CSPP1: variants seen among roughly 807,000 people sequenced by gnomAD.
CSPP1 encodes centrosome and spindle pole-associated protein 1.
A neutral mutation model predicts 164.4 loss-of-function variants in CSPP1; 126 were observed. That is an observed-to-expected ratio of 0.77 (90% confidence interval 0.66 to 0.89). The LOEUF is 0.89. CSPP1 is among the 40% of genes least tolerant of loss of function. CSPP1 has a pLI of 0.00. For synonymous variants in CSPP1, 472 were observed against 476.7 expected (o/e 0.99, Z 0.13); for missense variants, 1,395 against 1,449.8 (o/e 0.96, Z 0.61).
intron 10 of CSPP1, 95 bp downstream of exon 10, chr8:67,112,160 G>A (rs1239916921): frequency 4.3e-6 from 3 of 693,192 alleles, no homozygotes; most frequent in Non-Finnish European, 4.9e-6. Flanking sequence ...GTTCTAATAT[G>A]ATGTTTGATT....
In CSPP1 at chr8:67,093,252, C is replaced by T. The variant is rs980399264; in HGVS notation, c.385-291C>T. 6.6e-5 allele frequency among the ~76,000 whole-genome samples: 10 copies of T among 152,268 alleles called. No homozygotes were observed. The East Asian group carries it at 7.7e-4, about 12-fold the overall frequency. ...GTGTAAAATGGAGATGTTTCATGAACGAAGCAACTCCCTTCTGTTAGAGAC... is the reference window on the plus strand; with the variant it reads ...GTGTAAAATGGAGATGTTTCATGAATGAAGCAACTCCCTTCTGTTAGAGAC... On this transcript the variant is annotated intron_variant, in intron 5 of 30. Coordinates refer to ENST00000678616, the MANE Select transcript of CSPP1 (RefSeq NM_001382391.1).
At chr8:67,120,478 T>A (rs1257524920) in intron 15 of CSPP1, among the ~76,000 whole-genome samples, 3 of 152,228 alleles carry the variant, frequency 2.0e-5, no homozygotes, top group African/African-American at 7.2e-5. Flanking sequence ...GTGTCATGTC[T>A]TCTGATCCAT....
intron 24 of CSPP1, among the ~76,000 whole-genome samples, chr8:67,171,574 A>G (rs1830472194): frequency 1.3e-5 from 2 of 151,528 alleles, no homozygotes; most frequent in African/African-American, 4.8e-5. Flanking sequence ...TTGAGATGGA[A>G]TCTTGCTCTG....
chr8:67,149,647 A>G, intron 17 of CSPP1, 136 bp from the exon 18 acceptor site: 2 of 536,986 alleles, frequency 3.7e-6, no homozygotes, highest in South Asian at 5.4e-5. Flanking sequence ...TTTTCAGGGC[A>G]CCAACATATC....
rs1302148912 is a variant in CSPP1 at position 67,116,062 on chromosome 8, C to CTCAAAATGAAGA, written c.1438_1449dup (p.Gln480_Asp483dup). 2.5e-6 allele frequency: 4 copies of CTCAAAATGAAGA among 1,614,010 alleles called. No individual in the cohort carries two copies. In the African/African-American group the frequency reaches 5.3e-5, roughly 22 times the overall value. Reference sequence around the variant, plus strand: ...ATCCCATCAGTTCATCCTGTTCCTTCTCAAAATGAAGATTTGCGCAGTGGA... The same window carrying CTCAAAATGAAGA: ...ATCCCATCAGTTCATCCTGTTCCTTCTCAAAATGAAGATCAAAATGAAGATTTGCGCAGTGGA... On this transcript the variant is annotated inframe_insertion, in exon 13 of 31. Coordinates refer to ENST00000678616, the MANE Select transcript of CSPP1 (RefSeq NM_001382391.1).
intron 25 of CSPP1, chr8:67,173,748 A>AT (rs1830955729): frequency 1.3e-5 from 2 of 152,146 alleles, no homozygotes; most frequent in Admixed American, 1.3e-4. Flanking sequence ...GTATACTGTT[A>AT]TTTTTTATGC....
chr8:67,186,407 C>T (rs1834589315), intron 28 of CSPP1, among the ~76,000 whole-genome samples: 1 of 122,924 alleles, frequency 8.1e-6, no homozygotes, highest in Admixed American at 8.1e-5. Flanking sequence ...ATAAACCTCA[C>T]TGTTTTAAAT....
chr8:67,113,504 T>G (rs959837675), intron 10 of CSPP1, among the ~76,000 whole-genome samples: 2 of 152,200 alleles, frequency 1.3e-5, no homozygotes, highest in African/African-American at 4.8e-5. Flanking sequence ...GTTTTTTTGT[T>G]TTACAAGGTA....
At chr8:67,083,562 T>TAC in intron 3 of CSPP1, 1 of 140,152 alleles carries the variant, frequency 7.1e-6, no homozygotes, top group Non-Finnish European at 1.5e-5. Context: ...TATATATATA[T>TAC]ATATATATAT....
intron 1 of CSPP1, chr8:67,069,252 A>T (rs1013125875): frequency 6.6e-6 from 1 of 152,244 alleles, no homozygotes; most frequent in Non-Finnish European, 1.5e-5. Context: ...TGACTCTTTA[A>T]TATTAAAGTC....
intron 26 of CSPP1, among the ~76,000 whole-genome samples, chr8:67,176,494 C>G (rs1831672413): frequency 6.6e-6 from 1 of 152,092 alleles, no homozygotes; most frequent in African/African-American, 2.4e-5. Context: ...AGCCTCATAG[C>G]CCTGTGACAG....
chr8:67,158,976 CTTT>C lies in CSPP1; in HGVS notation c.2392-12_2392-10del. The C allele has an allele frequency of 1.3e-6, 2 of 1,579,136 alleles. No individual in the cohort carries two copies. The highest frequency in any genetic ancestry group is 3.6e-4 in the Middle Eastern group (2 of 5,628). On this transcript the variant is annotated splice_polypyrimidine_tract_variant and intron_variant, in intron 20 of 30. Transcript: ENST00000678616. ...AGGAATATATGGAATGCATATTTCT[CTTT>C]TTATTTTAAAGCAAAGGCTAAAAAA...
At chr8:67,166,727 GT>G (rs199739810) in intron 24 of CSPP1, among the ~76,000 whole-genome samples, 2,946 of 142,114 alleles carry the variant, frequency 0.021, 63 homozygotes, top group African/African-American at 0.057. Flanking sequence ...CAGTTTAACG[GT>G]TTTTTTTTTT....
rs142199506 is a variant in CSPP1 at position 67,080,549 on chromosome 8, C to CA, written c.199+3969dup. On this transcript the variant is annotated intron_variant, in intron 3 of 30. Transcript: ENST00000678616. Reference sequence around the variant, plus strand: ...TTCACAGGTTAAGGGCATAGGCCTCCACAAGACTGCCTTCACTTCAGACTC... The same window carrying CA: ...TTCACAGGTTAAGGGCATAGGCCTCCAACAAGACTGCCTTCACTTCAGACTC... Among the ~76,000 whole-genome samples the CA allele has an allele frequency of 3.6e-3, 547 of 152,330 alleles. 5 individuals carry two copies. Among genetic ancestry groups the CA allele is most frequent in the Middle Eastern group, 6.8e-3 (2 of 294 alleles).
chr8:67,171,609 G>C (rs1005232234), intron 24 of CSPP1, among the ~76,000 whole-genome samples: 3 of 151,838 alleles, frequency 2.0e-5, no homozygotes, highest in Admixed American at 6.6e-5. Flanking sequence ...GTGCAGTGGC[G>C]TGATCTTGGC....
rs1038245011 is a variant in CSPP1 at position 67,098,012 on chromosome 8, ATTTC to A, written c.923+2284_923+2287del. The stretch of plus-strand genomic sequence containing the variant: ...CTTTAACAATTTAATTTAAAATGGG[ATTTC>A]TTTATTTCAGATTTATAGATTCCTT... On this transcript the variant is annotated intron_variant, in intron 7 of 30. Transcript: ENST00000678616. 4.6e-4 allele frequency among the ~76,000 whole-genome samples: 69 copies of A among 149,986 alleles called. 1 individual carries two copies. Among genetic ancestry groups the A allele is most frequent in the African/African-American group, 1.6e-3 (66 of 40,938 alleles).
At chr8:67,124,923 T>C (rs185736849) in intron 15 of CSPP1, among the ~76,000 whole-genome samples, 2 of 152,146 alleles carry the variant, frequency 1.3e-5, no homozygotes, top group Non-Finnish European at 2.9e-5. Context: ...TCAAACCACC[T>C]TGGTCTCCCA....
chr8:67,194,540 A>G (rs936104539), intron 30 of CSPP1, among the ~76,000 whole-genome samples: 2 of 152,190 alleles, frequency 1.3e-5, no homozygotes, highest in African/African-American at 4.8e-5. Context: ...TAACAGGAAT[A>G]TATTTGAGGG....
At chr8:67,194,351 G>GTTAAT (rs1837276548) in intron 30 of CSPP1, among the ~76,000 whole-genome samples, 1 of 152,148 alleles carries the variant, frequency 6.6e-6, no homozygotes, top group African/African-American at 2.4e-5. Context: ...TTAATACTGT[G>GTTAAT]TTAATTTAAA....
Sources: allele counts gnomAD v4.1 joint callset (sites outside exome capture counted in the v4.1 genomes callset), GRCh38; gene constraint gnomAD v4.1.1; transcripts MANE v1.5; gene names NCBI Gene and HGNC (gene_info 2026-07-23, HGNC 2026-07-21).